NUP42: variants seen among roughly 807,000 people sequenced by gnomAD.
NUP42 encodes the protein nucleoporin 42.
A neutral mutation model predicts 35.9 loss-of-function variants in NUP42; 47 were observed. The observed-to-expected ratio is 1.31, with a 90% confidence interval of 1.04 to 1.67. The LOEUF is 1.67. Ranked by LOEUF, NUP42 falls within the 40% of genes most tolerant of loss-of-function variation. The pLI, the probability that NUP42 is intolerant of heterozygous loss-of-function variation, is 0.00. For missense variants in NUP42, 514 were observed against 492.2 expected, an observed-to-expected ratio of 1.04 and a Z score of -0.42; for synonymous variants, 173 against 173.3, an observed-to-expected ratio of 1.00 and a Z score of 0.01.
chr7:23,195,539 A>C lies in NUP42; in HGVS notation c.446-300A>C, dbSNP rs189640085. On this transcript the variant is annotated intron_variant, in intron 3 of 6. Coordinates refer to ENST00000258742, the MANE Select transcript of NUP42 (RefSeq NM_007342.3). ...TTTGCTTAGTATAGTTTCTGGCAGAATTTTTAAAATAAAAGTTTGAATATA... is the reference window on the plus strand; with the variant it reads ...TTTGCTTAGTATAGTTTCTGGCAGACTTTTTAAAATAAAAGTTTGAATATA... The C allele has an allele frequency of 7.1e-4, 159 of 223,908 alleles. 2 individuals are homozygous for C. Among genetic ancestry groups the C allele is most frequent in the Admixed American group, 1.5e-3 (25 of 16,760 alleles). 13.9% of individuals were successfully genotyped at this position (223,908 alleles called of 1,614,324 possible). A position where few individuals can be genotyped will look rare whatever the true frequency, so the allele number is the denominator to read the frequency against.
At chr7:23,193,827 G>A (rs1274203453) in intron 3 of NUP42, among the ~76,000 whole-genome samples, 1 of 152,250 alleles carries the variant, frequency 6.6e-6, no homozygotes, top group Non-Finnish European at 1.5e-5. Flanking sequence ...AGCGCACGGA[G>A]GTGAGGGGGA....
intron 3 of NUP42, among the ~76,000 whole-genome samples, chr7:23,193,820 G>A (rs1255467268): frequency 6.6e-6 from 1 of 152,344 alleles, no homozygotes; most frequent in Non-Finnish European, 1.5e-5. Context: ...GCTCAGGAGC[G>A]CACGGAGGTG....
intron 3 of NUP42, among the ~76,000 whole-genome samples, chr7:23,194,196 G>T (rs933779501): frequency 1.3e-5 from 2 of 152,240 alleles, no homozygotes; most frequent in Non-Finnish European, 1.5e-5. Context: ...TGGGCTGAAG[G>T]TCTCCTCAAG....
chr7:23,195,429 G>C (rs943765526), intron 3 of NUP42: 1 of 153,172 alleles, frequency 6.5e-6, no homozygotes, highest in African/African-American at 2.4e-5. Flanking sequence ...ATTTGTAAGA[G>C]CTATTTGTAC....
chr7:23,195,817 T>C, intron 3 of NUP42, 22 bp from the exon 4 acceptor site: 1 of 1,504,914 alleles, frequency 6.6e-7, no homozygotes, highest in Non-Finnish European at 9.2e-7. Flanking sequence ...TTTTAAAGAT[T>C]CCGATTGATT....
intron 3 of NUP42, among the ~76,000 whole-genome samples, chr7:23,190,817 G>T (rs2128473566): frequency 6.6e-6 from 1 of 152,242 alleles, no homozygotes; most frequent in South Asian, 2.1e-4. Flanking sequence ...ATTAAAAAAA[G>T]AATGATACTA....
intron 3 of NUP42, among the ~76,000 whole-genome samples, chr7:23,190,866 T>C (rs919347296): frequency 2.3e-4 from 35 of 152,212 alleles, no homozygotes; most frequent in African/African-American, 8.4e-4. Context: ...AAATTATCAC[T>C]CAAATCATTT....
At chr7:23,196,439 C>G (rs957564465) in intron 4 of NUP42, 12 of 430,726 alleles carry the variant, frequency 2.8e-5, no homozygotes, top group South Asian at 1.8e-4. Context: ...TAACTAACTA[C>G]GTGCTGCCAG....
At chr7:23,199,084 G>A (rs1212359562) in intron 5 of NUP42, among the ~76,000 whole-genome samples, 2 of 151,996 alleles carry the variant, frequency 1.3e-5, no homozygotes, top group Middle Eastern at 3.2e-3. Flanking sequence ...TCCATGTTAA[G>A]CATTTAACTT....
chr7:23,192,546 CAAAAAA>C (rs200047613), intron 3 of NUP42, among the ~76,000 whole-genome samples: 2 of 65,314 alleles, frequency 3.1e-5, no homozygotes, highest in Non-Finnish European at 7.0e-5. Flanking sequence ...GACTTCATCT[CAAAAAA>C]AAAAAAAAAA....
rs750817913 is a variant in NUP42 at position 23,200,687 on chromosome 7, A to C, written c.1214A>C (p.Lys405Thr). 1.2e-6 allele frequency: 2 copies of C among 1,609,656 alleles called. No homozygotes were observed. Among genetic ancestry groups the C allele is most frequent in the South Asian group, 2.2e-5 (2 of 89,846 alleles). The change falls in exon 7 of 7, where the codon AAA (lysine) becomes ACA (threonine). Residue 405 changes from lysine (K) to threonine (T), a missense_variant. Lys to Thr is a moderately conservative substitution (Grantham distance 78). Coordinates refer to ENST00000258742, the MANE Select transcript of NUP42 (RefSeq NM_007342.3). ...GAACTGGAACAATTTCAATCCAAGAAATTTACTCTGGGAAAAATTCCATTA... is the reference window on the plus strand; with the variant it reads ...GAACTGGAACAATTTCAATCCAAGACATTTACTCTGGGAAAAATTCCATTA... ...VEELEQFQSK[K>T]FTLGKIPLKP...
intron 5 of NUP42, 89 bp downstream of exon 5, chr7:23,196,855 A>G (rs1001290666): frequency 1.1e-6 from 1 of 869,690 alleles, no homozygotes; most frequent in African/African-American, 1.7e-5. Context: ...AAAGCAAAAC[A>G]AAAATTTTCT....
rs1348617599 is a variant in NUP42 at position 23,199,479 on chromosome 7, G to A, written c.631G>A (p.Val211Ile). Residue 211 changes from valine to isoleucine, a missense_variant, in exon 6 of 7, where the codon GTA becomes ATA. Val to Ile is a conservative substitution (Grantham distance 29, BLOSUM62 3). Transcript: ENST00000258742. ...VALLSDVKDG[V>I]NQAAPAFGFG... ...TCAGCTCTCTGATGTAAAGGATGGAGTAAATCAAGCAGCACCTGCATTTGG... is the reference window on the plus strand; with the variant it reads ...TCAGCTCTCTGATGTAAAGGATGGAATAAATCAAGCAGCACCTGCATTTGG... 2 of 1,613,942 alleles carry A rather than the reference G, an allele frequency of 1.2e-6. No individual in the cohort carries two copies. The highest frequency in any genetic ancestry group is 1.7e-6 in the Non-Finnish European group (2 of 1,179,886).
Position 23,200,265 on chromosome 7 carries a change from T to C in NUP42, c.792T>C (p.Gly264=). ...CTGCCTCTTCTGGAAGCCCTGCTGG[T>C]TTTGGGAGTTCCCCAGCATTTGGAG... is the stretch of plus-strand genomic sequence containing the variant. ...FAAASSGSPA[G]FGSSPAFGAA... The change falls in exon 7 of 7, where the codon GGT becomes GGC. Residue 264 remains glycine (G), a synonymous_variant. Coordinates refer to ENST00000258742, the MANE Select transcript of NUP42 (RefSeq NM_007342.3). 1 of 1,603,352 alleles carries C rather than the reference T, an allele frequency of 6.2e-7. No homozygotes were observed. The highest frequency in any genetic ancestry group is 8.5e-7 in the Non-Finnish European group (1 of 1,173,282).
At chr7:23,184,626 A>G (rs1372136120) in intron 1 of NUP42, among the ~76,000 whole-genome samples, 1 of 152,246 alleles carries the variant, frequency 6.6e-6, no homozygotes, top group Non-Finnish European at 1.5e-5. Flanking sequence ...AGAGATTGTC[A>G]TTTAAAATGA....
chr7:23,200,058 C>T, intron 6 of NUP42, 110 bp from the exon 7 acceptor site: 1 of 831,488 alleles, frequency 1.2e-6, no homozygotes, highest in Non-Finnish European at 1.8e-6. Flanking sequence ...CTTCTCAACA[C>T]TGAAACATGA....
Position 23,182,177 on chromosome 7 carries a change from G to A in NUP42, c.92G>A (p.Gly31Glu), listed in dbSNP as rs1299923923. 1.7e-5 allele frequency: 26 copies of A among 1,532,250 alleles called. No individual in the cohort carries two copies. The highest frequency in any genetic ancestry group is 2.3e-5 in the Non-Finnish European group (25 of 1,103,170). The allele number at this position is 1,532,250 out of a possible 1,614,324, so 94.9% of individuals were successfully genotyped here. The change falls in exon 1 of 7, where the codon GGA becomes GAA. Residue 31 changes from glycine (G) to glutamate (E), a missense_variant. Physicochemically the swap from Gly to Glu is moderately conservative, Grantham distance 98 (BLOSUM62 -2). Coordinates refer to ENST00000258742, the MANE Select transcript of NUP42 (RefSeq NM_007342.3). ...CCCGGTGCTAGGGGTGCAGGAGGAG[G>A]ACGGCAGCAACCGCAGCAGCAGCCT... ...EHPGARGAGG[G>E]RQQPQQQPSG...
intron 3 of NUP42, among the ~76,000 whole-genome samples, chr7:23,194,107 CCCTCCACA>C (rs1785921715): frequency 6.6e-6 from 1 of 152,200 alleles, no homozygotes. Flanking sequence ...TCGCGCCTCT[CCCTCCACA>C]CCTCCCTGCA....
At chr7:23,198,832 C>G (rs1007154444) in intron 5 of NUP42, among the ~76,000 whole-genome samples, 1 of 151,990 alleles carries the variant, frequency 6.6e-6, no homozygotes, top group Non-Finnish European at 1.5e-5. Context: ...CAGATCTACC[C>G]TTATAGACAC....
Sources: gnomAD v4.1 joint callset for allele counts (sites outside exome capture counted in the v4.1 genomes callset) on GRCh38, gnomAD v4.1.1 for gene constraint, MANE v1.5 for transcripts, NCBI Gene and HGNC (gene_info 2026-07-23, HGNC 2026-07-21) for gene names.